Variants in GRAMD4 observed in about 807,000 individuals in gnomAD.
GRAMD4 encodes GRAM domain-containing protein 4.
A neutral mutation model predicts 83.9 loss-of-function variants in GRAMD4; 25 were observed. The observed-to-expected ratio is 0.30, with a 90% CI of 0.22 to 0.42. The LOEUF (loss-of-function observed/expected upper bound fraction) is 0.42. Among genes scored for constraint, GRAMD4 ranks in the 10% least tolerant of loss-of-function variants. The pLI is 1.00. For synonymous variants in GRAMD4, 336 were observed against 320.9 expected, an observed-to-expected ratio of 1.05 and a Z score of -0.50; for missense variants, 593 against 788.7, an observed-to-expected ratio of 0.75 and a Z score of 2.97.
intron 3 of GRAMD4, among the ~76,000 whole-genome samples, chr22:46,654,481 G>A (rs905271525): frequency 1.3e-5 from 2 of 152,202 alleles, no homozygotes; most frequent in African/African-American, 2.4e-5. Flanking sequence ...ACGAAGGTGT[G>A]CCAGAGCCGG....
chr22:46,594,466 G>T (rs1031514838), intron 1 of GRAMD4, among the ~76,000 whole-genome samples: 1 of 152,138 alleles, frequency 6.6e-6, no homozygotes, highest in Non-Finnish European at 1.5e-5. Flanking sequence ...GCACTTGTGG[G>T]GTGGCGGGAG....
downstream of GRAMD4, among the ~76,000 whole-genome samples, chr22:46,681,364 G>A (rs186093428): frequency 6.6e-6 from 1 of 152,362 alleles, no homozygotes; most frequent in Admixed American, 6.5e-5. Context: ...ACCATTTAGT[G>A]TCAATAAAGG....
intron 1 of GRAMD4, among the ~76,000 whole-genome samples, chr22:46,606,499 C>T (rs113865352): frequency 5.6e-4 from 7 of 12,530 alleles, no homozygotes; most frequent in Admixed American, 1.4e-3. Flanking sequence ...CTGCATGGGC[C>T]TATGGCTGGT....
intron 3 of GRAMD4, among the ~76,000 whole-genome samples, chr22:46,644,697 G>GTTTTTTTTTTTTTTTTTTTTTTTTTTTTT (rs71192437): frequency 1.0e-5 from 1 of 97,336 alleles, no homozygotes; most frequent in Admixed American, 1.2e-4. Flanking sequence ...CTTGTTCCCT[G>GTTTTTTTTTTTTTTTTTTTTTTTTTTTTT]TTTTTTTTTT....
At chr22:46,639,549 G>C (rs891498408) in intron 3 of GRAMD4, among the ~76,000 whole-genome samples, 4 of 150,602 alleles carry the variant, frequency 2.7e-5, no homozygotes, top group East Asian at 3.9e-4. Flanking sequence ...TGTGTGTGCA[G>C]CAGTAGTTAA....
intron 13 of GRAMD4, among the ~76,000 whole-genome samples, chr22:46,671,676 TAA>T (rs1014302292): frequency 1.5e-4 from 22 of 149,554 alleles, no homozygotes; most frequent in Non-Finnish European, 3.0e-4. Flanking sequence ...TAAAATAAAA[TAA>T]AATAAAATAA....
chr22:46,673,735 C>T lies in GRAMD4; in HGVS notation c.1305C>T (p.Asp435=), dbSNP rs141922091. ...CGGCCGGCCTGGGTAAAGAGGAGGA[C>T]GCCGGTCGCTTCCACAGCACCAAGA... is the stretch of plus-strand genomic sequence containing the variant. The part of the protein sequence containing the change: ...SAPAGLGKEE[D]AGRFHSTKKG... The change falls in exon 15 of 19, where the codon GAC becomes GAT. Residue 435 remains aspartate (D), a synonymous_variant. Transcript: ENST00000406902. The T allele has an allele frequency of 2.9e-5, 46 of 1,612,764 alleles. No individual in the cohort carries two copies. The highest frequency in any genetic ancestry group is 1.6e-4 in the Middle Eastern group (1 of 6,082).
At chr22:46,592,984 A>G (rs902679953) in intron 1 of GRAMD4, among the ~76,000 whole-genome samples, 2 of 152,196 alleles carry the variant, frequency 1.3e-5, no homozygotes, top group Admixed American at 1.3e-4. Context: ...ATTTTTGTTC[A>G]CCAACATAAC....
chr22:46,649,457 C>T (rs918086560), intron 3 of GRAMD4, among the ~76,000 whole-genome samples: 2 of 152,198 alleles, frequency 1.3e-5, no homozygotes, highest in South Asian at 2.1e-4. Flanking sequence ...GAGAGGCAGG[C>T]GTCGGTTTCT....
Position 46,678,979 on chromosome 22 carries a change from G to C in GRAMD4, c.*1728G>C. ...CGAATGGGGACAGAACCCGCTCTGA[G>C]CCGTGGGTCTGGCTCCTGTAGGGGA... is the stretch of plus-strand genomic sequence containing the variant. On this transcript the variant is annotated 3_prime_UTR_variant, in exon 19 of 19. Transcript: ENST00000406902. The C allele has an allele frequency of 1.0e-6, 1 of 985,802 alleles. No individual in the cohort carries two copies. Among genetic ancestry groups the C allele is most frequent in the Non-Finnish European group, 1.2e-6 (1 of 830,002 alleles). 61.1% of individuals were successfully genotyped at this position (985,802 alleles called of 1,614,324 possible). A position where few individuals can be genotyped will look rare whatever the true frequency, so the allele number is the denominator to read the frequency against.
rs1470553745 is a variant in GRAMD4 at position 46,594,587 on chromosome 22, G to T, written c.-50+17297G>T. On this transcript the variant is annotated intron_variant, in intron 1 of 1. Transcript: ENST00000431155. ...GTGGTGAGGGACCTCTGGTTGGGTGGGGGGGGTTAGGTGTTTTAGGAGGCT... is the reference window on the plus strand; with the variant it reads ...GTGGTGAGGGACCTCTGGTTGGGTGTGGGGGGTTAGGTGTTTTAGGAGGCT... Among the ~76,000 whole-genome samples the T allele has an allele frequency of 2.0e-5, 3 of 151,688 alleles. No individual in the cohort carries two copies. In the East Asian group the frequency reaches 5.8e-4, roughly 29 times the overall value.
At chr22:46,656,960 A>G (rs1028128241) in intron 3 of GRAMD4, among the ~76,000 whole-genome samples, 4 of 152,206 alleles carry the variant, frequency 2.6e-5, no homozygotes, top group African/African-American at 9.7e-5. Context: ...CTCAGCCACC[A>G]TAGGCCACAG....
intron 13 of GRAMD4, among the ~76,000 whole-genome samples, chr22:46,670,040 A>C (rs985638199): frequency 6.6e-6 from 1 of 152,224 alleles, no homozygotes; most frequent in East Asian, 1.9e-4. Flanking sequence ...GAGCCCACGC[A>C]GGACAGCGTG....
At chr22:46,660,196 C>A (rs2147337218) in intron 4 of GRAMD4, among the ~76,000 whole-genome samples, 1 of 152,344 alleles carries the variant, frequency 6.6e-6, no homozygotes, top group Admixed American at 6.5e-5. Context: ...CTCGCACAGT[C>A]TCTGCCTTGG....
intron 3 of GRAMD4, among the ~76,000 whole-genome samples, chr22:46,647,490 C>T (rs961714824): frequency 6.6e-6 from 1 of 152,072 alleles, no homozygotes; most frequent in Non-Finnish European, 1.5e-5. Context: ...GGAGAAACCC[C>T]TGATCCTGCC....
At chr22:46,586,744 T>G (rs2147919574) in intron 1 of GRAMD4, among the ~76,000 whole-genome samples, 1 of 152,268 alleles carries the variant, frequency 6.6e-6, no homozygotes, top group African/African-American at 2.4e-5. Context: ...ACCTGTCTGC[T>G]GGGGAAAGCG....
At chr22:46,591,283 G>C (rs1262369373) in intron 1 of GRAMD4, among the ~76,000 whole-genome samples, 3 of 152,206 alleles carry the variant, frequency 2.0e-5, no homozygotes, top group African/African-American at 4.8e-5. Flanking sequence ...TTGAGAGGCT[G>C]AGAGGGGGAG....
chr22:46,674,388 C>A (rs896860017), intron 15 of GRAMD4, among the ~76,000 whole-genome samples: 2 of 152,180 alleles, frequency 1.3e-5, no homozygotes, highest in Non-Finnish European at 2.9e-5. Context: ...GGTGGTGTCC[C>A]GGCCACACTG....
intron 8 of GRAMD4, among the ~76,000 whole-genome samples, chr22:46,664,601 C>T (rs906877815): frequency 2.6e-5 from 4 of 152,226 alleles, no homozygotes; most frequent in Admixed American, 6.5e-5. Flanking sequence ...GGTGCCCAGC[C>T]GTCCTGCCTG....
Sources: allele counts gnomAD v4.1 joint callset (sites outside exome capture counted in the v4.1 genomes callset), GRCh38; gene constraint gnomAD v4.1.1; transcripts MANE v1.5; gene names NCBI Gene and HGNC (gene_info 2026-07-23, HGNC 2026-07-21).